Variants in MATR3 observed in about 807,000 individuals in gnomAD.
The protein encoded by MATR3 is matrin 3.
MATR3 carries 4 observed loss-of-function variants against 85.5 expected under a neutral mutation model. That is an observed-to-expected ratio of 0.05 (90% confidence interval 0.02 to 0.11). The LOEUF (loss-of-function observed/expected upper bound fraction) is 0.11. MATR3 is among the 10% of genes least tolerant of loss of function. MATR3 has a pLI of 1.00. For missense variants in MATR3, 685 were observed against 1,016.1 expected (o/e 0.67, Z 4.43); for synonymous variants, 336 against 343.1 (o/e 0.98, Z 0.23).
chr5:139,323,710 A>G (rs1001207002), intron 12 of MATR3, among the ~76,000 whole-genome samples: 7 of 152,286 alleles, frequency 4.6e-5, no homozygotes, highest in Non-Finnish European at 8.8e-5. Context: ...CAAGACCAAC[A>G]TGGTGAAACC....
upstream of MATR3, among the ~76,000 whole-genome samples, chr5:139,289,431 CCT>C (rs1002459251): frequency 2.0e-5 from 3 of 152,110 alleles, no homozygotes; most frequent in Non-Finnish European, 4.4e-5. Context: ...AAATATATAC[CCT>C]GTCTCTAAAT....
At chr5:139,326,879 T>C (rs1255012816) in intron 14 of MATR3, among the ~76,000 whole-genome samples, 2 of 152,228 alleles carry the variant, frequency 1.3e-5, no homozygotes. Context: ...TGTTGGGCTG[T>C]ACTTTCTCTA....
At chr5:139,329,299 C>G (rs1221831817) in intron 14 of MATR3, 46 bp from the exon 15 acceptor site, 1 of 1,356,166 alleles carries the variant, frequency 7.4e-7, no homozygotes, top group Non-Finnish European at 1.1e-6. Context: ...CATTTTGCTG[C>G]ATTTCTCTTA....
chr5:139,300,306 A>G (rs1476429989), intron 1 of MATR3, among the ~76,000 whole-genome samples: 2 of 152,190 alleles, frequency 1.3e-5, no homozygotes, highest in Non-Finnish European at 2.9e-5. Flanking sequence ...CGGAGGTTGC[A>G]GTGAGCCAAG....
intron 1 of MATR3, among the ~76,000 whole-genome samples, chr5:139,299,428 C>A (rs1754327048): frequency 6.6e-6 from 1 of 152,160 alleles, no homozygotes; most frequent in Non-Finnish European, 1.5e-5. Flanking sequence ...AACCTCAGCA[C>A]TTTGGGAGGC....
chr5:139,288,495 G>C (rs1010377959), intron 3 of MATR3, among the ~76,000 whole-genome samples: 3 of 152,168 alleles, frequency 2.0e-5, no homozygotes, highest in Admixed American at 2.0e-4. Context: ...TCATCTAATA[G>C]TTGAGAACAA....
rs192591790 is a variant in MATR3, at chr5:139,284,515, C to T, written c.-178+5386C>T. On this transcript the variant is annotated intron_variant, in intron 3 of 16. Transcript: ENST00000509990. Reference sequence around the variant, plus strand: ...CCCAACTATTTGGGTGGCTGAGGCACGAGAATCGCTTGAACTTGGAAGGCA... The same window carrying T: ...CCCAACTATTTGGGTGGCTGAGGCATGAGAATCGCTTGAACTTGGAAGGCA... Among the ~76,000 whole-genome samples, 44 of 151,516 alleles carry T rather than the reference C, an allele frequency of 2.9e-4. 1 individual carries two copies. The highest frequency in any genetic ancestry group is 8.8e-5 in the Non-Finnish European group (6 of 67,940).
chr5:139,311,863 G>A (rs1001077342), intron 2 of MATR3: 4 of 138,966 alleles, frequency 2.9e-5, no homozygotes, highest in African/African-American at 1.1e-4. Flanking sequence ...TGCCTTTCGG[G>A]TTCAAGCAAT....
At chr5:139,319,838 C>T (rs1485582227) in intron 9 of MATR3, among the ~76,000 whole-genome samples, 1 of 141,716 alleles carries the variant, frequency 7.1e-6, no homozygotes, top group Non-Finnish European at 1.5e-5. Context: ...AGCGAGACTC[C>T]CAACTCAAAA....
At position 139,326,203 on chromosome 5, in the gene MATR3, G is replaced by A; in HGVS notation, c.2412G>A (p.Lys804=). ...TACCTAAAACAGGGTTTTACTGTAA[G>A]CTGTGTTCACTCTTTTATACAAATG... is the stretch of plus-strand genomic sequence containing the variant. ...YVIPKTGFYC[K]LCSLFYTNEE... The change falls in exon 14 of 15, where the codon AAG becomes AAA. Residue 804 remains lysine, a synonymous_variant. Coordinates refer to ENST00000394805, the MANE Select transcript of MATR3 (RefSeq NM_018834.6). The A allele has an allele frequency of 6.2e-7, 1 of 1,611,384 alleles. No individual in the cohort carries two copies. The highest frequency in any genetic ancestry group is 8.5e-7 in the Non-Finnish European group (1 of 1,178,096).
upstream of MATR3, among the ~76,000 whole-genome samples, chr5:139,290,827 C>A (rs1006058835): frequency 5.3e-5 from 8 of 152,022 alleles, no homozygotes; most frequent in Admixed American, 3.9e-4. Context: ...ACAATCTTTC[C>A]CTGGGCTCAA....
intron 1 of MATR3, among the ~76,000 whole-genome samples, chr5:139,300,975 G>C (rs1251816903): frequency 6.6e-6 from 1 of 152,050 alleles, no homozygotes; most frequent in Non-Finnish European, 1.5e-5. Flanking sequence ...CACCACACCT[G>C]GCTCTTTTTT....
chr5:139,317,525 C>T, intron 6 of MATR3, 71 bp from the exon 7 acceptor site: 3 of 1,420,092 alleles, frequency 2.1e-6, no homozygotes, highest in Non-Finnish European at 3.0e-6. Context: ...TATAAAAAGT[C>T]CTAATGCGTA....
At chr5:139,319,139 C>T (rs1048077017) in intron 8 of MATR3, 106 bp downstream of exon 8, 13 of 1,344,060 alleles carry the variant, frequency 9.7e-6, no homozygotes, top group African/African-American at 5.8e-5. Flanking sequence ...TGGTGGCTCA[C>T]GCCTGTAATC....
At position 139,322,682 on chromosome 5, in the gene MATR3, A is replaced by G; in HGVS notation, c.1863A>G (p.Ser621=). The stretch of plus-strand genomic sequence containing the variant: ...ATGGTTCCCAGAAGACTGAGAGTTC[A>G]ACCGAAGGTAAAGAACAAGAAGAGA... ...KTDGSQKTES[S]TEGKEQEEKS... Residue 621 remains serine, a synonymous_variant, in exon 12 of 15, where the codon TCA becomes TCG. Coordinates refer to ENST00000394805, the MANE Select transcript of MATR3 (RefSeq NM_018834.6). 1 of 1,614,218 alleles carries G rather than the reference A, an allele frequency of 6.2e-7. No individual in the cohort carries two copies. The highest frequency in any genetic ancestry group is 1.7e-5 in the Admixed American group (1 of 60,018).
chr5:139,287,950 CCT>C (rs1315928984), intron 3 of MATR3, among the ~76,000 whole-genome samples: 3 of 152,166 alleles, frequency 2.0e-5, no homozygotes, highest in Non-Finnish European at 4.4e-5. Flanking sequence ...GTGGCTCACA[CCT>C]CTAATCCCAG....
intron 13 of MATR3, 84 bp downstream of exon 13, chr5:139,325,746 T>TCTTA: frequency 8.2e-7 from 1 of 1,223,872 alleles, no homozygotes; most frequent in Non-Finnish European, 1.2e-6. Context: ...TTAAAGTTGG[T>TCTTA]CTTACATAAG....
upstream of MATR3, chr5:139,293,694 G>T: frequency 6.2e-6 from 2 of 321,090 alleles, no homozygotes; most frequent in Non-Finnish European, 1.1e-5. Context: ...TTGGGCTGCA[G>T]CCGCTGCCGC....
chr5:139,298,303 G>C (rs1279964272), intron 1 of MATR3, among the ~76,000 whole-genome samples: 1 of 152,198 alleles, frequency 6.6e-6, no homozygotes, highest in Non-Finnish European at 1.5e-5. Flanking sequence ...TGGGTGCAGT[G>C]ATTCACACCT....
Sources: allele counts gnomAD v4.1 joint callset (sites outside exome capture counted in the v4.1 genomes callset), GRCh38; gene constraint gnomAD v4.1.1; transcripts MANE v1.5; gene names NCBI Gene and HGNC (gene_info 2026-07-23, HGNC 2026-07-21).